Variants in GRM8 observed in about 807,000 individuals in gnomAD.
GRM8 encodes the protein glutamate metabotropic receptor 8, also known as metabotropic glutamate receptor 8.
GRM8 carries 47 observed loss-of-function variants against 87.2 expected under a neutral mutation model. The observed-to-expected ratio is 0.54, with a 90% CI of 0.43 to 0.69. The LOEUF is 0.69. Among genes scored for constraint, GRM8 ranks in the 30% least tolerant of loss-of-function variants. The pLI is 0.00. For missense variants in GRM8, 1,019 were observed against 1,139.2 expected, an observed-to-expected ratio of 0.89 and a Z score of 1.52; for synonymous variants, 396 against 404.5, an observed-to-expected ratio of 0.98 and a Z score of 0.25.
intron 3 of GRM8, among the ~76,000 whole-genome samples, chr7:126,926,315 T>C (rs914062835): frequency 6.6e-6 from 1 of 152,202 alleles, no homozygotes; most frequent in South Asian, 2.1e-4. Flanking sequence ...ATATCTTTGA[T>C]GGAGACCTGA....
At chr7:127,098,286 C>G (rs903790292) in intron 3 of GRM8, among the ~76,000 whole-genome samples, 1 of 152,148 alleles carries the variant, frequency 6.6e-6, no homozygotes, top group African/African-American at 2.4e-5. Context: ...AACATTAATA[C>G]TTTTCTCAAA....
intron 1 of GRM8, among the ~76,000 whole-genome samples, chr7:127,244,002 T>C (rs1171286957): frequency 6.6e-6 from 1 of 152,150 alleles, no homozygotes; most frequent in Non-Finnish European, 1.5e-5. Context: ...AAAGTGATTA[T>C]TCAATTACAA....
chr7:127,248,663 T>G (rs994496991), intron 1 of GRM8, among the ~76,000 whole-genome samples: 2 of 152,234 alleles, frequency 1.3e-5, no homozygotes, highest in Admixed American at 6.5e-5. Context: ...AAGTACTTTA[T>G]AAACTGCCAA....
intron 6 of GRM8, among the ~76,000 whole-genome samples, chr7:126,874,996 A>C (rs1375766577): frequency 6.6e-6 from 1 of 152,098 alleles, no homozygotes; most frequent in Non-Finnish European, 1.5e-5. Context: ...GATGTCATAT[A>C]TTTAAATTCT....
intron 7 of GRM8, among the ~76,000 whole-genome samples, chr7:126,633,441 A>C (rs1000209030): frequency 6.6e-6 from 1 of 152,138 alleles, no homozygotes. Context: ...GCTAGCATCA[A>C]TGCTCCTGAA....
intron 8 of GRM8, among the ~76,000 whole-genome samples, chr7:126,600,414 G>A (rs1797621805): frequency 6.6e-6 from 1 of 152,112 alleles, no homozygotes; most frequent in South Asian, 2.1e-4. Flanking sequence ...ATCATGCATA[G>A]ATTTTGGTAT....
chr7:127,041,448 TTAATTAATTCATTCA>T (rs1302889417), intron 3 of GRM8, among the ~76,000 whole-genome samples: 1 of 152,234 alleles, frequency 6.6e-6, no homozygotes, highest in African/African-American at 2.4e-5. Context: ...CATTCACTCA[TTAATTAATTCATTCA>T]TTTAGAGCCA....
At chr7:126,532,509 T>C (rs1814968281) in intron 9 of GRM8, among the ~76,000 whole-genome samples, 1 of 152,052 alleles carries the variant, frequency 6.6e-6, no homozygotes, top group Non-Finnish European at 1.5e-5. Flanking sequence ...AAGAAGGCAT[T>C]TGTCATGCAG....
intron 3 of GRM8, among the ~76,000 whole-genome samples, chr7:127,057,806 C>CAA (rs1820150890): frequency 6.8e-6 from 1 of 147,854 alleles, no homozygotes. Context: ...AGCTCATATC[C>CAA]CACAAAAAAA....
chr7:127,109,849 T>G (rs1826184014), intron 2 of GRM8, among the ~76,000 whole-genome samples: 2 of 152,098 alleles, frequency 1.3e-5, no homozygotes, highest in Admixed American at 1.3e-4. Flanking sequence ...ACCAAAATAT[T>G]GTGCAGGCTA....
intron 3 of GRM8, among the ~76,000 whole-genome samples, chr7:127,010,685 C>G (rs1814799681): frequency 6.6e-6 from 1 of 152,134 alleles, no homozygotes; most frequent in African/African-American, 2.4e-5. Flanking sequence ...AACTCAAAAA[C>G]TGTAAAATTC....
At chr7:127,186,508 T>C (rs1794744639) in intron 2 of GRM8, among the ~76,000 whole-genome samples, 1 of 152,104 alleles carries the variant, frequency 6.6e-6, no homozygotes, top group Admixed American at 6.5e-5. Flanking sequence ...TGTGCTGTGG[T>C]GGATGATGGC....
chr7:126,854,877 G>T (rs530610837), intron 6 of GRM8, among the ~76,000 whole-genome samples: 1 of 152,280 alleles, frequency 6.6e-6, no homozygotes, highest in South Asian at 2.1e-4. Flanking sequence ...CTGGTGAACA[G>T]CAACAATTTT....
chr7:126,883,106 C>G lies in GRM8; in HGVS notation c.1156+19436G>C, dbSNP rs1800170731. 2.0e-5 allele frequency among the ~76,000 whole-genome samples: 3 copies of G among 152,290 alleles called. No individual in the cohort carries two copies. The South Asian group carries it at 6.2e-4, about 32-fold the overall frequency. On this transcript the variant is annotated intron_variant, in intron 6 of 10. Transcript: ENST00000339582. ...CAGAGTCAGATCTTAAGGGTCATTT[C>G]TGATTGGCCTCCATCCAGAGTATGA...
intron 6 of GRM8, among the ~76,000 whole-genome samples, chr7:126,770,777 A>T (rs1042237684): frequency 2.0e-5 from 3 of 152,068 alleles, no homozygotes; most frequent in African/African-American, 4.8e-5. Context: ...ATATATTTTA[A>T]ATGAAATATA....
chr7:127,238,290 T>C (rs1798091220), intron 2 of GRM8, among the ~76,000 whole-genome samples: 1 of 148,808 alleles, frequency 6.7e-6, no homozygotes, highest in Admixed American at 6.8e-5. Flanking sequence ...TTAGCTGATA[T>C]ACGATGTGTG....
chr7:126,507,031 C>T (rs1435410933), intron 9 of GRM8, among the ~76,000 whole-genome samples: 1 of 152,026 alleles, frequency 6.6e-6, no homozygotes, highest in Non-Finnish European at 1.5e-5. Flanking sequence ...CTCAATGAAG[C>T]CTTCCAAATC....
At chr7:126,720,101 C>G (rs1415040709) in intron 7 of GRM8, among the ~76,000 whole-genome samples, 1 of 151,708 alleles carries the variant, frequency 6.6e-6, no homozygotes, top group Non-Finnish European at 1.5e-5. Flanking sequence ...TTGTCTCTCT[C>G]TTCCTGTTCT....
intron 3 of GRM8, among the ~76,000 whole-genome samples, chr7:127,091,797 C>A (rs1489594114): frequency 7.9e-6 from 1 of 125,794 alleles, no homozygotes; most frequent in Non-Finnish European, 1.7e-5. Flanking sequence ...GACTCCCCAC[C>A]CCCGCGGTCC....
Sources: allele counts gnomAD v4.1 joint callset (sites outside exome capture counted in the v4.1 genomes callset), GRCh38; gene constraint gnomAD v4.1.1; transcripts MANE v1.5; gene names NCBI Gene and HGNC (gene_info 2026-07-23, HGNC 2026-07-21).